The following RIMS2 variants were observed in gnomAD, a reference collection of about 807,000 sequenced individuals.
RIMS2 encodes the protein regulating synaptic membrane exocytosis 2, also known as regulating synaptic membrane exocytosis protein 2.
In RIMS2, 59 loss-of-function variants were observed where a neutral mutation model predicts 174.4. The observed-to-expected ratio is 0.34, with a 90% CI of 0.27 to 0.42. The LOEUF (loss-of-function observed/expected upper bound fraction) is 0.42. RIMS2 is among the 10% of genes least tolerant of loss of function. The pLI is 1.00. For synonymous variants in RIMS2, 606 were observed against 572.5 expected (o/e 1.06, Z -0.84); for missense variants, 1,620 against 1,666.3 (o/e 0.97, Z 0.48).
At chr8:103,897,261 T>C (rs2099289721) in intron 4 of RIMS2, among the ~76,000 whole-genome samples, 1 of 151,742 alleles carries the variant, frequency 6.6e-6, no homozygotes, top group African/African-American at 2.4e-5. Flanking sequence ...AGCCCTGGCC[T>C]ATTTTCTTCA....
At chr8:103,826,414 TA>T in intron 3 of RIMS2, among the ~76,000 whole-genome samples, 1 of 151,716 alleles carries the variant, frequency 6.6e-6, no homozygotes, top group Non-Finnish European at 1.5e-5. Flanking sequence ...TAGTGTGAGG[TA>T]GGGGTCAAGA....
At position 103,723,761 on chromosome 8, in the gene RIMS2, G is replaced by T. The variant is rs1286563050; in HGVS notation, c.387+26465G>T. Among the ~76,000 whole-genome samples the T allele has an allele frequency of 3.3e-5, 5 of 152,302 alleles. No individual in the cohort carries two copies. The South Asian group carries it at 1.0e-3, about 32-fold the overall frequency. On this transcript the variant is annotated intron_variant, in intron 2 of 23. Coordinates refer to ENST00000504942, the Ensembl canonical transcript of RIMS2. ...CTTGGTCCCTGAGCCAACATGAAAG[G>T]CTTGAAGTGTAGGTCTATAGGGTCT...
intron 1 of RIMS2, among the ~76,000 whole-genome samples, chr8:103,522,696 A>G (rs1434306538): frequency 3.9e-5 from 6 of 152,152 alleles, no homozygotes; most frequent in Non-Finnish European, 8.8e-5. Flanking sequence ...AGAGTAATCG[A>G]TTATTTATAT....
At position 103,765,348 on chromosome 8, in the gene RIMS2, A is replaced by G. The variant is rs192460518; in HGVS notation, c.388-879A>G. On this transcript the variant is annotated intron_variant, in intron 2 of 23. Transcript: ENST00000504942. ...AAATATATCTGTAGAAAAATTGAGT[A>G]TAGAATAGTTGTGCCGGGGTTGGAG... 8.9e-4 allele frequency among the ~76,000 whole-genome samples: 136 copies of G among 152,288 alleles called. 4 individuals carry two copies. Among genetic ancestry groups the G allele is most frequent in the Admixed American group, 8.8e-3 (135 of 15,286 alleles).
intron 2 of RIMS2, among the ~76,000 whole-genome samples, chr8:103,721,863 G>A (rs2097453530): frequency 6.6e-6 from 1 of 152,140 alleles, no homozygotes; most frequent in African/African-American, 2.4e-5. Context: ...GAGTTGAGAA[G>A]AGAATAAAAA....
chr8:103,847,277 C>T (rs538434412), intron 3 of RIMS2, among the ~76,000 whole-genome samples: 61 of 152,118 alleles, frequency 4.0e-4, no homozygotes, highest in African/African-American at 1.4e-3. Flanking sequence ...TTCTACGTAT[C>T]GGGGGCATAG....
intron 19 of RIMS2, among the ~76,000 whole-genome samples, chr8:104,158,486 A>G (rs35376345): frequency 0.27 from 41,561 of 152,054 alleles, 6,043 homozygotes; most frequent in South Asian, 0.44. Context: ...GTCTTCCACA[A>G]TGGTTGAACT....
At chr8:104,081,655 A>G (rs2097422504) in intron 19 of RIMS2, among the ~76,000 whole-genome samples, 1 of 142,172 alleles carries the variant, frequency 7.0e-6, no homozygotes, top group Non-Finnish European at 1.5e-5. Context: ...AAATTTGACA[A>G]TAAAAGTGAA....
intron 2 of RIMS2, among the ~76,000 whole-genome samples, chr8:103,707,140 G>A (rs145729253): frequency 1.5e-4 from 23 of 152,134 alleles, no homozygotes; most frequent in African/African-American, 4.8e-4. Context: ...TTTCCATGCT[G>A]CCTTTTTTTC....
At chr8:103,967,124 G>A (rs1460901879) in intron 15 of RIMS2, among the ~76,000 whole-genome samples, 1 of 127,840 alleles carries the variant, frequency 7.8e-6, no homozygotes, top group Non-Finnish European at 1.6e-5. Flanking sequence ...GTGTTTTTGA[G>A]TTCACTTATC....
At chr8:103,932,532 A>G (rs2080206385) in intron 12 of RIMS2, among the ~76,000 whole-genome samples, 1 of 152,218 alleles carries the variant, frequency 6.6e-6, no homozygotes, top group South Asian at 2.1e-4. Context: ...TTAACAATTT[A>G]GGTTGTCTTT....
At chr8:104,207,109 T>G (rs1428649044) in intron 19 of RIMS2, among the ~76,000 whole-genome samples, 1 of 152,160 alleles carries the variant, frequency 6.6e-6, no homozygotes, top group Non-Finnish European at 1.5e-5. Flanking sequence ...TTTTTTTACA[T>G]ATAAGGTTTG....
chr8:103,581,185 A>G (rs1199734850), intron 1 of RIMS2, among the ~76,000 whole-genome samples: 1 of 152,128 alleles, frequency 6.6e-6, no homozygotes, highest in East Asian at 1.9e-4. Flanking sequence ...CTAGACAAGG[A>G]CACAACAAAA....
intron 3 of RIMS2, among the ~76,000 whole-genome samples, chr8:103,766,934 A>G (rs1251337113): frequency 6.6e-6 from 1 of 152,176 alleles, no homozygotes; most frequent in African/African-American, 2.4e-5. Flanking sequence ...GGTTAACAAT[A>G]TCTCCAAAGG....
intron 3 of RIMS2, among the ~76,000 whole-genome samples, chr8:103,809,343 T>C (rs534202397): frequency 2.0e-5 from 3 of 152,206 alleles, no homozygotes; most frequent in Admixed American, 2.0e-4. Context: ...TTACAAGTTT[T>C]CTTAACATTT....
chr8:104,012,189 T>C (rs959901998), intron 17 of RIMS2, among the ~76,000 whole-genome samples: 5 of 151,974 alleles, frequency 3.3e-5, no homozygotes, highest in Admixed American at 2.0e-4. Context: ...TTAAAAATGC[T>C]CTGACTTTTA....
intron 1 of RIMS2, among the ~76,000 whole-genome samples, chr8:103,661,375 G>A (rs538345311): frequency 6.6e-6 from 1 of 152,216 alleles, no homozygotes; most frequent in South Asian, 2.1e-4. Flanking sequence ...TGACTTTGGA[G>A]GAGAATTTTG....
chr8:104,143,847 G>A (rs1247414689), intron 19 of RIMS2, among the ~76,000 whole-genome samples: 1 of 152,092 alleles, frequency 6.6e-6, no homozygotes, highest in Non-Finnish European at 1.5e-5. Context: ...ATTATTTCCA[G>A]ACTACCTTCT....
intron 19 of RIMS2, among the ~76,000 whole-genome samples, chr8:104,104,792 A>T (rs1478442350): frequency 6.6e-6 from 1 of 151,174 alleles, no homozygotes; most frequent in Non-Finnish European, 1.5e-5. Flanking sequence ...AGATGGGAGG[A>T]TCCCTTTGGC....
Sources: gnomAD v4.1 joint callset for allele counts (sites outside exome capture counted in the v4.1 genomes callset) on GRCh38, gnomAD v4.1.1 for gene constraint, MANE v1.5 for transcripts, NCBI Gene and HGNC (gene_info 2026-07-23, HGNC 2026-07-21) for gene names.